The following MAN1A2 variants were observed in gnomAD, a reference collection of about 807,000 sequenced individuals.
MAN1A2 encodes the protein mannosidase alpha class 1A member 2, also known as mannosyl-oligosaccharide 1,2-alpha-mannosidase IB.
MAN1A2 carries 26 observed loss-of-function variants against 75.7 expected under a neutral mutation model. The observed-to-expected ratio is 0.34, with a 90% confidence interval of 0.25 to 0.48. MAN1A2 has a LOEUF of 0.48. MAN1A2 is among the 20% of genes least tolerant of loss of function. The probability of loss-of-function intolerance (pLI) is 0.99; values close to 1 mark genes in which losing one functional copy is unlikely to be tolerated. For missense variants in MAN1A2, 562 were observed against 775.5 expected (o/e 0.72, Z 3.27); for synonymous variants, 247 against 264.6 (o/e 0.93, Z 0.65).
chr1:117,487,880 T>C (rs1302765817), intron 8 of MAN1A2, among the ~76,000 whole-genome samples: 1 of 152,074 alleles, frequency 6.6e-6, no homozygotes, highest in East Asian at 1.9e-4. Flanking sequence ...TTTTTTGTGA[T>C]TATAAAATGT....
chr1:117,422,957 G>A (rs890688136), intron 5 of MAN1A2, among the ~76,000 whole-genome samples: 7 of 151,918 alleles, frequency 4.6e-5, no homozygotes, highest in Non-Finnish European at 8.8e-5. Context: ...TCATGCATTT[G>A]GTATTTTGTT....
At chr1:117,516,003 C>T (rs1293113193) in intron 12 of MAN1A2, 2 of 152,100 alleles carry the variant, frequency 1.3e-5, no homozygotes, top group African/African-American at 2.4e-5. Flanking sequence ...ATGCAAAGCA[C>T]TCATACTTTA....
At chr1:117,414,232 T>A (rs979611047) in intron 3 of MAN1A2, among the ~76,000 whole-genome samples, 31 of 151,544 alleles carry the variant, frequency 2.0e-4, no homozygotes, top group Admixed American at 1.3e-3. Flanking sequence ...GTTGTACATT[T>A]ATTATTATTT....
At chr1:117,385,020 T>C (rs1039292050) in intron 1 of MAN1A2, among the ~76,000 whole-genome samples, 8 of 152,204 alleles carry the variant, frequency 5.3e-5, no homozygotes, top group Admixed American at 4.6e-4. Flanking sequence ...TGATGCTGTC[T>C]GGCTGTCTGA....
chr1:117,442,477 A>G, intron 6 of MAN1A2, 152 bp downstream of exon 6: 1 of 570,646 alleles, frequency 1.8e-6, no homozygotes. Context: ...ATATGCATAA[A>G]TGTGTTTCTT....
rs571601924 is a variant in MAN1A2, at chr1:117,374,000, G to A, written c.302+5515G>A. On this transcript the variant is annotated intron_variant, in intron 1 of 12. Coordinates refer to ENST00000356554, the MANE Select transcript of MAN1A2 (RefSeq NM_006699.5). ...CAGAGCAGCCAATTTATTTTTAACT[G>A]GGCAAATGTTTTGTTTACTATTGTT... 3.9e-5 allele frequency among the ~76,000 whole-genome samples: 6 copies of A among 152,196 alleles called. 1 individual carries two copies. Among genetic ancestry groups the A allele is most frequent in the African/African-American group, 1.4e-4 (6 of 41,510 alleles).
At chr1:117,397,888 G>A (rs1469635479) in intron 1 of MAN1A2, among the ~76,000 whole-genome samples, 9 of 151,872 alleles carry the variant, frequency 5.9e-5, no homozygotes, top group East Asian at 1.9e-4. Context: ...CTGACCTCAC[G>A]TGATCCACCC....
chr1:117,442,257 G>A lies in MAN1A2; in HGVS notation c.882G>A (p.Leu294=), dbSNP rs1190466881. The A allele has an allele frequency of 6.2e-7, 1 of 1,610,084 alleles. No homozygotes were observed. Among genetic ancestry groups the A allele is most frequent in the Admixed American group, 1.7e-5 (1 of 59,996 alleles). The change falls in exon 6 of 13, where the codon TTG becomes TTA. Residue 294 remains leucine, a synonymous_variant. Coordinates refer to ENST00000356554, the MANE Select transcript of MAN1A2 (RefSeq NM_006699.5). ...TATTCAAGATTAAAGCAGTGCAATT[G>A]GCTGAGAAACTCCTTCCTGCCTTTA... ...EEIFKIKAVQ[L]AEKLLPAFNT... is the part of the protein sequence containing the mutation.
intron 7 of MAN1A2, among the ~76,000 whole-genome samples, chr1:117,463,890 C>T (rs1453306851): frequency 2.0e-5 from 3 of 152,020 alleles, no homozygotes; most frequent in Admixed American, 6.6e-5. Context: ...ACAAAGAACT[C>T]GTTGCACATA....
chr1:117,502,818 C>G (rs1420034489), intron 11 of MAN1A2, 37 bp from the exon 12 acceptor site: 1 of 1,094,486 alleles, frequency 9.1e-7, no homozygotes. Context: ...ACTTGAAATT[C>G]TACGGAATTG....
intron 5 of MAN1A2, among the ~76,000 whole-genome samples, chr1:117,437,243 A>G (rs1648878360): frequency 2.0e-5 from 3 of 152,252 alleles, no homozygotes; most frequent in Non-Finnish European, 4.4e-5. Context: ...GGAACAAATA[A>G]TATGTGAAAA....
chr1:117,492,273 C>A (rs1650903149), intron 8 of MAN1A2, among the ~76,000 whole-genome samples: 1 of 152,032 alleles, frequency 6.6e-6, no homozygotes, highest in African/African-American at 2.4e-5. Flanking sequence ...GCCCCAGCCA[C>A]CCCAGCCTTC....
At chr1:117,379,685 A>G (rs190559345) in intron 1 of MAN1A2, among the ~76,000 whole-genome samples, 1 of 152,238 alleles carries the variant, frequency 6.6e-6, no homozygotes, top group Admixed American at 6.5e-5. Flanking sequence ...TGCTGTTTCT[A>G]TAGATTTACA....
At chr1:117,475,404 A>G (rs1650284497) in intron 8 of MAN1A2, among the ~76,000 whole-genome samples, 2 of 151,476 alleles carry the variant, frequency 1.3e-5, no homozygotes, top group Non-Finnish European at 2.9e-5. Flanking sequence ...GTTGTGAGGT[A>G]CATGCCAGAA....
intron 8 of MAN1A2, among the ~76,000 whole-genome samples, chr1:117,474,619 G>T (rs1045161490): frequency 1.3e-5 from 2 of 151,594 alleles, no homozygotes; most frequent in Non-Finnish European, 2.9e-5. Context: ...AACTAAATTG[G>T]TGGAGGTTAC....
Position 117,473,393 on chromosome 1 carries a change from G to C in MAN1A2, c.1168+6966G>C, listed in dbSNP as rs537226222. Among the ~76,000 whole-genome samples, 15 of 152,002 alleles carry C rather than the reference G, an allele frequency of 9.9e-5. No individual in the cohort carries two copies. The East Asian group carries it at 2.9e-3, about 30-fold the overall frequency. On this transcript the variant is annotated intron_variant, in intron 8 of 12. Transcript: ENST00000356554. ...GTTATAATAAATAGCATCCTAATTG[G>C]CCTTTCTGTTTCTGCCTCTGCCCCT...
chr1:117,497,527 G>A (rs1034889055), intron 10 of MAN1A2, among the ~76,000 whole-genome samples: 1 of 151,910 alleles, frequency 6.6e-6, no homozygotes, highest in Non-Finnish European at 1.5e-5. Flanking sequence ...CTGAACTTCA[G>A]TGTCCTTACT....
intron 1 of MAN1A2, among the ~76,000 whole-genome samples, chr1:117,368,782 G>T (rs1652857920): frequency 6.6e-6 from 1 of 152,114 alleles, no homozygotes; most frequent in African/African-American, 2.4e-5. Context: ...CATCTGGGAA[G>T]GGAGGTATGA....
At position 117,442,296 on chromosome 1, in the gene MAN1A2, G is replaced by C. The variant is rs770762727; in HGVS notation, c.921G>C (p.Gly307=). The change falls in exon 6 of 13, where the codon GGG becomes GGC. Residue 307 remains glycine (G), a synonymous_variant. Transcript: ENST00000356554. ...TTCCTGCCTTTAACACACCTACTGG[G>C]ATTCCTTGGGCAATGGTGAATTTGA... ...KLLPAFNTPT[G]IPWAMVNLKS... 3 of 1,611,498 alleles carry C rather than the reference G, an allele frequency of 1.9e-6. No individual in the cohort carries two copies. The Admixed American group carries it at 5.0e-5, about 27-fold the overall frequency.
Sources: gnomAD v4.1 joint callset for allele counts (sites outside exome capture counted in the v4.1 genomes callset) on GRCh38, gnomAD v4.1.1 for gene constraint, MANE v1.5 for transcripts, NCBI Gene and HGNC (gene_info 2026-07-23, HGNC 2026-07-21) for gene names.